The following SLC14A2 variants were observed in gnomAD, a reference collection of about 807,000 sequenced individuals.
The protein encoded by SLC14A2 is urea transporter 2.
Under a neutral mutation model 104.6 loss-of-function variants are expected in SLC14A2, and 91 were observed. That is an observed-to-expected ratio of 0.87 (90% CI 0.73 to 1.04). SLC14A2 has a LOEUF of 1.04. Among genes scored for constraint, SLC14A2 ranks in the 50% least tolerant of loss-of-function variants. The probability of loss-of-function intolerance (pLI) is 0.00; values close to 1 mark genes in which losing one functional copy is unlikely to be tolerated. For missense variants in SLC14A2, 1,189 were observed against 1,156.0 expected (o/e 1.03, Z -0.41); for synonymous variants, 476 against 466.4 (o/e 1.02, Z -0.27).
intron 1 of SLC14A2, among the ~76,000 whole-genome samples, chr18:45,350,330 C>T (rs1456024321): frequency 1.3e-5 from 2 of 152,164 alleles, no homozygotes; most frequent in African/African-American, 2.4e-5. Flanking sequence ...TCTCTGATTC[C>T]TGAGAACACC....
chr18:45,625,936 C>T, intron 3 of SLC14A2, 73 bp downstream of exon 3: 1 of 1,183,074 alleles, frequency 8.5e-7, no homozygotes, highest in South Asian at 2.4e-5. Context: ...CCGGTTTGGT[C>T]CAAAGCTTCT....
rs894711113 is a variant in SLC14A2, at chr18:45,351,666, C to T, written c.-124-131567C>T. ...CCACCATGCCCAGCCTACTTATGTA[C>T]GCTCAGTACCTACAGTATACTATAT... On this transcript the variant is annotated intron_variant, in intron 1 of 20. Coordinates refer to the SLC14A2 transcript ENST00000586448. Among the ~76,000 whole-genome samples, 8 of 152,270 alleles carry T rather than the reference C, an allele frequency of 5.3e-5. 1 individual carries two copies. The highest frequency in any genetic ancestry group is 2.6e-4 in the Admixed American group (4 of 15,296).
chr18:45,248,224 GC>G (rs1468487342), intron 1 of SLC14A2, among the ~76,000 whole-genome samples: 2 of 152,136 alleles, frequency 1.3e-5, no homozygotes, highest in African/African-American at 2.4e-5. Context: ...GAAAAACTGT[GC>G]CTTAGAGAAG....
chr18:45,627,641 C>T (rs2045280877), intron 4 of SLC14A2, among the ~76,000 whole-genome samples: 3 of 152,116 alleles, frequency 2.0e-5, no homozygotes, highest in Admixed American at 2.0e-4. Context: ...GGGGAGCAAA[C>T]AGGGCTGGCA....
At chr18:45,396,036 A>G (rs1345523956) in intron 1 of SLC14A2, among the ~76,000 whole-genome samples, 3 of 152,200 alleles carry the variant, frequency 2.0e-5, no homozygotes, top group Non-Finnish European at 4.4e-5. Context: ...TGGCTAGCAT[A>G]TCCCACAACT....
chr18:45,553,973 T>C (rs560074923), intron 2 of SLC14A2, among the ~76,000 whole-genome samples: 1 of 152,206 alleles, frequency 6.6e-6, no homozygotes, highest in Non-Finnish European at 1.5e-5. Flanking sequence ...TGCAAGATCA[T>C]TCCAAATGAA....
At chr18:45,626,889 T>C (rs1388038960) in intron 3 of SLC14A2, 69 bp from the exon 4 acceptor site, 11 of 1,167,256 alleles carry the variant, frequency 9.4e-6, no homozygotes, top group Non-Finnish European at 1.3e-5. Context: ...TTGGTTGCCA[T>C]GCCAACCAGC....
chr18:45,343,142 CTT>C (rs34073750), intron 1 of SLC14A2, among the ~76,000 whole-genome samples: 4,879 of 132,500 alleles, frequency 0.037, 100 homozygotes, highest in African/African-American at 0.054. Context: ...GTTCTCTCTG[CTT>C]TTTTTTTTTT....
At chr18:45,371,475 T>C (rs2085721791) in intron 1 of SLC14A2, among the ~76,000 whole-genome samples, 1 of 152,218 alleles carries the variant, frequency 6.6e-6, no homozygotes, top group Non-Finnish European at 1.5e-5. Context: ...TTAATCCTTA[T>C]ACAATCTATT....
chr18:45,445,271 C>G (rs527506730), intron 1 of SLC14A2, among the ~76,000 whole-genome samples: 1 of 151,976 alleles, frequency 6.6e-6, no homozygotes, highest in East Asian at 1.9e-4. Flanking sequence ...ACCACCATGC[C>G]TGGCTAATTT....
At chr18:45,589,786 G>C (rs1246457294) in intron 2 of SLC14A2, among the ~76,000 whole-genome samples, 2 of 152,200 alleles carry the variant, frequency 1.3e-5, no homozygotes, top group Non-Finnish European at 2.9e-5. Context: ...TCCATGAAGA[G>C]AGAATTTGGT....
At chr18:45,601,950 G>A (rs1187423190) in intron 2 of SLC14A2, among the ~76,000 whole-genome samples, 2 of 152,240 alleles carry the variant, frequency 1.3e-5, no homozygotes, top group East Asian at 3.8e-4. Context: ...AGAGCCTTTG[G>A]CATTGGCCAT....
intron 2 of SLC14A2, chr18:45,528,093 T>G (rs966645175): frequency 2.1e-5 from 3 of 144,554 alleles, no homozygotes; most frequent in African/African-American, 7.7e-5. Flanking sequence ...TGCAGCCCCA[T>G]GCTAACTTGT....
At chr18:45,427,946 A>G (rs1261984853) in intron 1 of SLC14A2, among the ~76,000 whole-genome samples, 1 of 152,192 alleles carries the variant, frequency 6.6e-6, no homozygotes, top group Non-Finnish European at 1.5e-5. Flanking sequence ...TGCCTTTCCC[A>G]CAAAGGTGTC....
At chr18:45,349,235 T>G (rs79899698) in intron 1 of SLC14A2, among the ~76,000 whole-genome samples, 2,309 of 152,330 alleles carry the variant, frequency 0.015, 27 homozygotes, top group Non-Finnish European at 0.024. Flanking sequence ...AAACACATGA[T>G]GCAAGCTGGG....
At chr18:45,228,541 G>A (rs931844433) in intron 1 of SLC14A2, among the ~76,000 whole-genome samples, 3 of 152,058 alleles carry the variant, frequency 2.0e-5, no homozygotes, top group African/African-American at 2.4e-5. Flanking sequence ...CCACAAACTC[G>A]GGACACAGGT....
At chr18:45,461,488 T>A (rs1176417129) in intron 1 of SLC14A2, among the ~76,000 whole-genome samples, 2 of 152,232 alleles carry the variant, frequency 1.3e-5, no homozygotes, top group African/African-American at 4.8e-5. Context: ...GAACCTCATC[T>A]ATTTTATGGA....
chr18:45,619,936 C>T (rs2045136947), intron 1 of SLC14A2, among the ~76,000 whole-genome samples: 1 of 152,176 alleles, frequency 6.6e-6, no homozygotes, highest in Admixed American at 6.5e-5. Context: ...CTACGTTGCC[C>T]TTCGGAGACA....
In SLC14A2 at chr18:45,540,291, TCA is replaced by T. The variant is rs535362600; in HGVS notation, c.-35+56970_-35+56971del. Among the ~76,000 whole-genome samples, 926 of 152,258 alleles carry T rather than the reference TCA, an allele frequency of 6.1e-3. 11 individuals are homozygous for T. Among genetic ancestry groups the T allele is most frequent in the African/African-American group, 0.021 (881 of 41,534 alleles). ...TTCCTCGGGTCTGCTCCTGCTGTTCTCAGTTACTGGAGGACCTTCGCATTCCT... is the reference window on the plus strand; with the variant it reads ...TTCCTCGGGTCTGCTCCTGCTGTTCTGTTACTGGAGGACCTTCGCATTCCT... On this transcript the variant is annotated intron_variant, in intron 2 of 20. Coordinates refer to the SLC14A2 transcript ENST00000586448.
Sources: gnomAD v4.1 joint callset for allele counts (sites outside exome capture counted in the v4.1 genomes callset) on GRCh38, gnomAD v4.1.1 for gene constraint, MANE v1.5 for transcripts, NCBI Gene and HGNC (gene_info 2026-07-23, HGNC 2026-07-21) for gene names.